MYO9B: variants seen among roughly 807,000 people sequenced by gnomAD.
The protein encoded by MYO9B is myosin IXB, also known as unconventional myosin-IXb.
A neutral mutation model predicts 229.5 loss-of-function variants in MYO9B; 71 were observed. The ratio of observed to expected loss-of-function variants is 0.31; its 90% confidence interval spans 0.26 to 0.38. The LOEUF (loss-of-function observed/expected upper bound fraction) is 0.38, where lower values mean the gene tolerates loss of function less well. MYO9B is among the 10% of genes least tolerant of loss of function. MYO9B has a pLI of 1.00. For synonymous variants in MYO9B, 1,185 were observed against 1,235.8 expected (o/e 0.96, Z 0.86); for missense variants, 2,255 against 2,920.5 (o/e 0.77, Z 5.25).
intron 8 of MYO9B, among the ~76,000 whole-genome samples, chr19:17,161,593 A>T (rs1221016623): frequency 2.6e-5 from 4 of 152,170 alleles, no homozygotes; most frequent in African/African-American, 9.7e-5. Context: ...AGGCAGGCAG[A>T]TCGCTTGAGG....
chr19:17,182,363 C>T (rs1389910198), intron 15 of MYO9B, among the ~76,000 whole-genome samples: 4 of 152,124 alleles, frequency 2.6e-5, no homozygotes, highest in Admixed American at 6.6e-5. Flanking sequence ...ACTGGGATTA[C>T]AGGCATGAGC....
intron 2 of MYO9B, among the ~76,000 whole-genome samples, chr19:17,137,219 C>G (rs2072281623): frequency 7.5e-6 from 1 of 133,608 alleles, no homozygotes; most frequent in Admixed American, 7.7e-5. Context: ...CAAGAGCAAA[C>G]TGTCTCAAAA....
rs199796150 is a variant in MYO9B, at chr19:17,206,085, C to T, written c.5190C>T (p.Thr1730=). The T allele has an allele frequency of 1.8e-4, 284 of 1,608,780 alleles. 1 individual carries two copies. The highest frequency in any genetic ancestry group is 1.8e-4 in the Non-Finnish European group (206 of 1,176,418). The change falls in exon 32 of 40, where the codon ACC becomes ACT. Residue 1730 remains threonine (T), a synonymous_variant. Coordinates refer to ENST00000682292, the MANE Select transcript of MYO9B (RefSeq NM_004145.4). The stretch of plus-strand genomic sequence containing the variant: ...ACGTGGAGATGCACGGCCTGTACAC[C>T]GAGGGCCTCTACCGCAAGTCGGGTG... ...LEHVEMHGLY[T]EGLYRKSGAA...
intron 38 of MYO9B, 49 bp downstream of exon 38, chr19:17,210,897 G>T (rs1357630052): frequency 1.6e-5 from 25 of 1,562,952 alleles, no homozygotes; most frequent in Non-Finnish European, 2.0e-5. Flanking sequence ...AGGGCAAGCT[G>T]GAGTGCAGGT....
intron 22 of MYO9B, among the ~76,000 whole-genome samples, chr19:17,197,461 T>C (rs1436437258): frequency 6.7e-6 from 1 of 149,426 alleles, no homozygotes; most frequent in Non-Finnish European, 1.5e-5. Context: ...CATAGATAGA[T>C]AGATGGGCAG....
chr19:17,202,269 G>T lies in MYO9B; in HGVS notation c.4802G>T (p.Arg1601Leu). ...CAGTCACTGCTAGATGAGTTCACCCGTGGCTACACCAAGAACGACTTCGAG... is the reference window on the plus strand; with the variant it reads ...CAGTCACTGCTAGATGAGTTCACCCTTGGCTACACCAAGAACGACTTCGAG... ...LFQSLLDEFT[R>L]GYTKNDFEPV... The change falls in exon 28 of 40, where the codon CGT (arginine) becomes CTT (leucine). Residue 1601 changes from arginine to leucine, a missense_variant. Transcript: ENST00000682292. The T allele has an allele frequency of 1.3e-6, 2 of 1,585,256 alleles. No individual in the cohort carries two copies. The highest frequency in any genetic ancestry group is 1.7e-6 in the Non-Finnish European group (2 of 1,167,612).
chr19:17,154,525 A>T, intron 6 of MYO9B, 110 bp downstream of exon 6: 2 of 787,464 alleles, frequency 2.5e-6, no homozygotes, highest in Admixed American at 2.7e-5. Flanking sequence ...ACAGGCAGGC[A>T]GTGTCCTGAA....
intron 34 of MYO9B, 23 bp from the exon 35 acceptor site, chr19:17,207,090 T>G (rs2073170708): frequency 1.2e-6 from 2 of 1,609,998 alleles, no homozygotes; most frequent in African/African-American, 2.7e-5. Flanking sequence ...CTAGCCATCC[T>G]CTAACTGCCA....
At position 17,211,708 on chromosome 19, in the gene MYO9B, G is replaced by A; in HGVS notation, c.5992G>A (p.Asp1998Asn). The change falls in exon 39 of 40, where the codon GAC (aspartate) becomes AAC (asparagine). Residue 1998 changes from aspartate (D) to asparagine (N), a missense_variant. Around this residue, in one of 7 missense-constraint regions of MYO9B, gnomAD observed 331 missense variants for 332.5 expected, o/e 1.00. Transcript: ENST00000682292. ...AAGGGGCTCGGACGAGGAGAACCTG[G>A]ACTCGGAGACGTCGGCCAGCACCGA... ...DPRGSDEENL[D>N]SETSASTESL... 1 of 1,612,646 alleles carries A rather than the reference G, an allele frequency of 6.2e-7. No individual in the cohort carries two copies. The highest frequency in any genetic ancestry group is 1.1e-5 in the South Asian group (1 of 91,018).
At position 17,132,826 on chromosome 19, in the gene MYO9B, C is replaced by T. The variant is rs542953802; in HGVS notation, c.841-12571C>T. On this transcript the variant is annotated intron_variant, in intron 2 of 39. Transcript: ENST00000682292. ...ACAGGTGTGAGCCACAGCGCCAGGC[C>T]TTATTTTATTTCTTTTTTATTTATT... Among the ~76,000 whole-genome samples, 3 of 148,048 alleles carry T rather than the reference C, an allele frequency of 2.0e-5. No individual in the cohort carries two copies. The East Asian group carries it at 6.1e-4, about 30-fold the overall frequency.
chr19:17,118,400 G>A (rs1051425830), intron 2 of MYO9B, among the ~76,000 whole-genome samples: 8 of 151,904 alleles, frequency 5.3e-5, no homozygotes, highest in African/African-American at 1.9e-4. Flanking sequence ...ATAGGAGTTC[G>A]AGACCAGCAT....
chr19:17,130,772 CAA>C (rs71180365), intron 2 of MYO9B, among the ~76,000 whole-genome samples: 21 of 132,960 alleles, frequency 1.6e-4, no homozygotes, highest in East Asian at 6.6e-4. Flanking sequence ...GACTTGGTCT[CAA>C]AAAAAAAAAA....
At chr19:17,107,170 G>A (rs998308837) in intron 2 of MYO9B, among the ~76,000 whole-genome samples, 4 of 152,174 alleles carry the variant, frequency 2.6e-5, no homozygotes, top group African/African-American at 9.7e-5. Context: ...AGAAGTTCAA[G>A]ACTGCAGTGA....
At chr19:17,192,291 A>G (rs149154117) in intron 20 of MYO9B, among the ~76,000 whole-genome samples, 79,198 of 147,588 alleles carry the variant, frequency 0.54, 23,110 homozygotes, top group African/African-American at 0.74. Context: ...CTCAAAAAAA[A>G]AAAAAAAAAG....
intron 15 of MYO9B, 112 bp from the exon 16 acceptor site, chr19:17,183,717 C>G: frequency 1.2e-6 from 1 of 866,998 alleles, no homozygotes. Flanking sequence ...CTCACTCTCT[C>G]CCCTCTCTCT....
chr19:17,126,814 C>A (rs1427450510), intron 2 of MYO9B, among the ~76,000 whole-genome samples: 1 of 151,452 alleles, frequency 6.6e-6, no homozygotes, highest in Non-Finnish European at 1.5e-5. Flanking sequence ...CAGGCGCCCA[C>A]CACCATGCCC....
intron 1 of MYO9B, among the ~76,000 whole-genome samples, chr19:17,100,721 A>T (rs1180606725): frequency 6.6e-6 from 1 of 152,132 alleles, no homozygotes. Context: ...GGATGCCCCC[A>T]GCCTGGGCCT....
At chr19:17,145,707 G>T (rs1401943266) in intron 3 of MYO9B, among the ~76,000 whole-genome samples, 1 of 152,148 alleles carries the variant, frequency 6.6e-6, no homozygotes, top group East Asian at 1.9e-4. Flanking sequence ...GTGGCTAGAG[G>T]TAGTGGGCTT....
intron 3 of MYO9B, among the ~76,000 whole-genome samples, chr19:17,148,925 T>G (rs1054365236): frequency 2.0e-5 from 3 of 152,104 alleles, no homozygotes; most frequent in Non-Finnish European, 2.9e-5. Context: ...AGGGCCCTCC[T>G]GGATTATTGA....
Sources: gnomAD v4.1 joint callset for allele counts (sites outside exome capture counted in the v4.1 genomes callset) on GRCh38, gnomAD v4.1.1 for gene constraint, gnomAD v4.1.1 regional missense constraint, MANE v1.5 for transcripts, NCBI Gene and HGNC (gene_info 2026-07-23, HGNC 2026-07-21) for gene names.